The following SCN1A variants were observed in gnomAD, a reference collection of about 807,000 sequenced individuals.
SCN1A encodes sodium channel protein type 1 subunit alpha.
A neutral mutation model predicts 193.7 loss-of-function variants in SCN1A; 13 were observed. The observed-to-expected ratio is 0.07, with a 90% CI of 0.04 to 0.11. The LOEUF (loss-of-function observed/expected upper bound fraction) is 0.11. SCN1A is among the 10% of genes least tolerant of loss of function. The probability of loss-of-function intolerance (pLI) is 1.00; values close to 1 mark genes in which losing one functional copy is unlikely to be tolerated. For missense variants in SCN1A, 1,432 were observed against 2,451.1 expected, an observed-to-expected ratio of 0.58 and a Z score of 8.78; for synonymous variants, 781 against 843.6, an observed-to-expected ratio of 0.93 and a Z score of 1.29.
At chr2:166,074,407 G>T (rs369028419) in intron 3 of SCN1A, among the ~76,000 whole-genome samples, 1 of 152,184 alleles carries the variant, frequency 6.6e-6, no homozygotes, top group African/African-American at 2.4e-5. Context: ...GGAGACAGCA[G>T]GAGTCTCCTG....
chr2:166,101,549 G>T (rs1407666963), intron 2 of SCN1A, among the ~76,000 whole-genome samples: 1 of 148,774 alleles, frequency 6.7e-6, no homozygotes, highest in Non-Finnish European at 1.5e-5. Context: ...CAATGAAACA[G>T]AAGAGAGAAC....
In SCN1A at chr2:166,041,322, G is replaced by A; in HGVS notation, c.2324C>T (p.Thr775Ile). 1 of 1,613,934 alleles carries A rather than the reference G, an allele frequency of 6.2e-7. No individual in the cohort carries two copies. Among genetic ancestry groups the A allele is most frequent in the South Asian group, 1.1e-5 (1 of 91,082 alleles). The change falls in exon 16 of 29, where the codon ACC (threonine) becomes ATC (isoleucine). Residue 775 changes from threonine (T) to isoleucine (I), a missense_variant. Coordinates refer to ENST00000674923, the MANE Select transcript of SCN1A (RefSeq NM_001165963.4). Reference protein sequence around the residue: ...VMDPFVDLAITICIVLNTLFM... With the variant: ...VMDPFVDLAIIICIVLNTLFM... ...AAGAGTATTTAAGACAATACAGATG[G>A]TGATGGCCAGGTCAACAAATGGGTC...
intron 16 of SCN1A, among the ~76,000 whole-genome samples, chr2:166,040,430 A>T (rs1697029741): frequency 6.6e-6 from 1 of 152,198 alleles, no homozygotes; most frequent in Admixed American, 6.5e-5. Flanking sequence ...CATGAAAAAA[A>T]TAAATTTACT....
At chr2:166,050,664 A>G (rs1232788446) in intron 9 of SCN1A, among the ~76,000 whole-genome samples, 3 of 80,628 alleles carry the variant, frequency 3.7e-5, no homozygotes, top group Non-Finnish European at 8.7e-5. Flanking sequence ...TTTTTTGTAG[A>G]GAAGGGGTCT....
intron 4 of SCN1A, among the ~76,000 whole-genome samples, chr2:166,059,785 C>T (rs76135021): frequency 0.014 from 2,137 of 152,250 alleles, 49 homozygotes; most frequent in African/African-American, 0.049. Flanking sequence ...ATAGTCTTAG[C>T]TCATTAACAG....
chr2:166,070,264 G>A (rs1459798116), intron 4 of SCN1A, among the ~76,000 whole-genome samples: 1 of 152,164 alleles, frequency 6.6e-6, no homozygotes, highest in African/African-American at 2.4e-5. Context: ...AAGGATTTCA[G>A]CCCTGCAAAA....
chr2:165,994,270 G>A lies in SCN1A; in HGVS notation c.4728C>T (p.Ile1576=). ...SEYVTTILSR[I]NLVFIVLFTG... ...TAAATAGCACAATGAACACCAGATTGATGCGTGACAAAATGGTAGTCACAT... is the reference window on the plus strand; with the variant it reads ...TAAATAGCACAATGAACACCAGATTAATGCGTGACAAAATGGTAGTCACAT... The change falls in exon 28 of 29, where the codon ATC becomes ATT. Residue 1576 remains isoleucine, a synonymous_variant. Transcript: ENST00000674923. 1 of 1,613,188 alleles carries A rather than the reference G, an allele frequency of 6.2e-7. No homozygotes were observed. The highest frequency in any genetic ancestry group is 8.5e-7 in the Non-Finnish European group (1 of 1,179,510).
intron 9 of SCN1A, among the ~76,000 whole-genome samples, chr2:166,049,395 A>G (rs1429421669): frequency 2.0e-5 from 3 of 152,164 alleles, no homozygotes; most frequent in Admixed American, 6.6e-5. Flanking sequence ...ATAAAAGAAT[A>G]GTATATTTTC....
chr2:165,992,370 G>A lies in SCN1A; in HGVS notation c.4905C>T (p.Phe1635=), dbSNP rs774858072. Residue 1635 remains phenylalanine (F), a synonymous_variant, in exon 29 of 29, where the codon TTC becomes TTT. Transcript: ENST00000674923. The surrounding 1 kb of genome is among the most constrained non-coding windows in gnomAD (Gnocchi z 6.5). ...IEKYFVSPTL[F]RVIRLARIGR... ...CAATCCTAGCAAGACGGATCACTCG[G>A]AACAGGGTAGGGGACACGAAATACT... The A allele has an allele frequency of 2.2e-5, 36 of 1,613,540 alleles. No homozygotes were observed. The Admixed American group carries it at 5.2e-4, about 23-fold the overall frequency.
At chr2:166,100,500 A>G (rs1407490460) in intron 2 of SCN1A, among the ~76,000 whole-genome samples, 1 of 151,830 alleles carries the variant, frequency 6.6e-6, no homozygotes, top group African/African-American at 2.4e-5. Context: ...AACAAAAGAC[A>G]AAATTGACAA....
intron 13 of SCN1A, among the ~76,000 whole-genome samples, chr2:166,044,320 C>G (rs1387687767): frequency 1.3e-5 from 2 of 151,764 alleles, no homozygotes; most frequent in African/African-American, 2.4e-5. Flanking sequence ...ACACACACAC[C>G]CTGAACGACC....
intron 1 of SCN1A, among the ~76,000 whole-genome samples, chr2:166,146,933 T>G (rs1349186060): frequency 1.3e-5 from 2 of 152,180 alleles, no homozygotes; most frequent in Non-Finnish European, 2.9e-5. Context: ...CATAGAAAAT[T>G]TAATGACAAT....
At chr2:166,009,294 CATACTT>C (rs1285008706) in intron 23 of SCN1A, 1 of 151,630 alleles carries the variant, frequency 6.6e-6, no homozygotes, top group African/African-American at 2.4e-5. Context: ...TCTTAACACT[CATACTT>C]AGGCACATGT....
upstream of SCN1A, among the ~76,000 whole-genome samples, chr2:166,130,237 C>T (rs976779078): frequency 2.0e-5 from 3 of 147,018 alleles, no homozygotes; most frequent in Non-Finnish European, 3.0e-5. Context: ...CTGCATCTAT[C>T]AAGTATTATT....
intron 19 of SCN1A, among the ~76,000 whole-genome samples, chr2:166,032,667 G>T (rs1286994225): frequency 3.9e-5 from 6 of 152,056 alleles, no homozygotes; most frequent in Admixed American, 1.3e-4. Context: ...ATGAATAAAA[G>T]AAATTGAAAT....
At chr2:166,045,896 A>T (rs10930195) in intron 12 of SCN1A, among the ~76,000 whole-genome samples, 73,970 of 151,928 alleles carry the variant, frequency 0.49, 18,666 homozygotes, top group East Asian at 0.56. Context: ...GTTTCTGCTG[A>T]GCAAGATAAG....
At chr2:166,109,903 A>G (rs1420444753) in intron 2 of SCN1A, among the ~76,000 whole-genome samples, 3 of 152,140 alleles carry the variant, frequency 2.0e-5, no homozygotes, top group Admixed American at 6.6e-5. Context: ...GGGTATAAAA[A>G]TGTAGTTAGA....
At chr2:166,103,861 A>G (rs1688406241) in intron 2 of SCN1A, among the ~76,000 whole-genome samples, 1 of 152,230 alleles carries the variant, frequency 6.6e-6, no homozygotes, top group African/African-American at 2.4e-5. Flanking sequence ...ACTATTTTAC[A>G]GATGAAGCAA....
intron 19 of SCN1A, among the ~76,000 whole-genome samples, chr2:166,021,031 A>G (rs781711175): frequency 2.0e-5 from 3 of 152,240 alleles, no homozygotes; most frequent in Non-Finnish European, 4.4e-5. Flanking sequence ...GGAACAATAT[A>G]TGATTAAAAA....
Sources: gnomAD v4.1 joint callset for allele counts (sites outside exome capture counted in the v4.1 genomes callset) on GRCh38, gnomAD v4.1.1 for gene constraint, Gnocchi (gnomAD v3.1) non-coding constraint, MANE v1.5 for transcripts, NCBI Gene and HGNC (gene_info 2026-07-23, HGNC 2026-07-21) for gene names.